Variants in TRIM14 observed in about 807,000 individuals in gnomAD.
The protein encoded by TRIM14 is tripartite motif containing 14.
TRIM14 carries 28 observed loss-of-function variants against 44.5 expected under a neutral mutation model. The observed-to-expected ratio is 0.63, with a 90% CI of 0.47 to 0.86. The LOEUF is 0.86. Ranked by LOEUF, TRIM14 falls within the 40% of genes least tolerant of loss-of-function variation. The pLI is 0.00. For missense variants in TRIM14, 607 were observed against 611.1 expected (o/e 0.99, Z 0.07); for synonymous variants, 299 against 269.2 (o/e 1.11, Z -1.08).
chr9:98,069,909 A>G (rs1829262127), intron 6 of TRIM14, among the ~76,000 whole-genome samples: 1 of 152,164 alleles, frequency 6.6e-6, no homozygotes, highest in South Asian at 2.1e-4. Context: ...ATACTTGTAG[A>G]AATGGTGAAA....
chr9:98,070,412 C>T (rs1829288825), intron 6 of TRIM14, among the ~76,000 whole-genome samples: 1 of 151,796 alleles, frequency 6.6e-6, no homozygotes, highest in African/African-American at 2.4e-5. Context: ...GCCACCGTGC[C>T]CAGCTTTCAT....
chr9:98,049,349 A>G, the TRIM14 span, among the ~76,000 whole-genome samples: 2 of 150,966 alleles, frequency 1.3e-5, no homozygotes, highest in Non-Finnish European at 3.0e-5. Flanking sequence ...ATAAAAAAAA[A>G]AAAAAAAAAA....
intron 5 of TRIM14, among the ~76,000 whole-genome samples, chr9:98,089,889 C>G (rs1825935918): frequency 6.6e-6 from 1 of 152,220 alleles, no homozygotes; most frequent in African/African-American, 2.4e-5. Context: ...ACCTCTTCCC[C>G]TAAGCTAATC....
At chr9:98,092,553 T>TAG (rs1420819976) in intron 4 of TRIM14, 2 of 359,154 alleles carry the variant, frequency 5.6e-6, no homozygotes, top group East Asian at 1.8e-4. Context: ...CAGGGGCCTG[T>TAG]AGAGATCTGT....
At chr9:98,071,480 C>T (rs1829335542) in intron 6 of TRIM14, among the ~76,000 whole-genome samples, 1 of 152,202 alleles carries the variant, frequency 6.6e-6, no homozygotes, top group African/African-American at 2.4e-5. Context: ...CAGAACCCAT[C>T]TGGGAGGGAA....
the TRIM14 span, among the ~76,000 whole-genome samples, chr9:98,044,374 T>C: frequency 2.9e-5 from 4 of 137,866 alleles, no homozygotes; most frequent in Non-Finnish European, 4.6e-5. Context: ...TTCTCTTTTT[T>C]TTTTTTTTTT....
chr9:98,096,183 G>A (rs10117693), intron 3 of TRIM14, among the ~76,000 whole-genome samples: 3,948 of 152,224 alleles, frequency 0.026, 174 homozygotes, highest in African/African-American at 0.091. Context: ...GTTGGGCAGG[G>A]GCAGATCCCA....
At chr9:98,078,836 GAAAAAAAAA>G (rs11424970) in intron 6 of TRIM14, among the ~76,000 whole-genome samples, 1 of 123,028 alleles carries the variant, frequency 8.1e-6, no homozygotes, top group African/African-American at 3.1e-5. Flanking sequence ...CTCTCAGGGG[GAAAAAAAAA>G]AAAAAAAAAG....
intron 5 of TRIM14, 61 bp from the exon 6 acceptor site, chr9:98,088,066 C>G: frequency 7.2e-7 from 1 of 1,385,314 alleles, no homozygotes; most frequent in Non-Finnish European, 9.3e-7. Flanking sequence ...GCCCCGCCCC[C>G]GGGAACCCAC....
At chr9:98,114,482 C>T (rs1232681359) in intron 1 of TRIM14, among the ~76,000 whole-genome samples, 5 of 151,952 alleles carry the variant, frequency 3.3e-5, no homozygotes, top group African/African-American at 7.3e-5. Flanking sequence ...TACAGGTGCC[C>T]GCCACCACGC....
At chr9:98,080,452 C>T (rs561342195), downstream of TRIM14, among the ~76,000 whole-genome samples, 1 of 152,356 alleles carries the variant, frequency 6.6e-6, no homozygotes, top group Admixed American at 6.5e-5. Context: ...TTGCTTTCAG[C>T]AGCTCAGGCT....
At chr9:98,058,136 C>T in the TRIM14 span, among the ~76,000 whole-genome samples, 2 of 151,838 alleles carry the variant, frequency 1.3e-5, no homozygotes, top group South Asian at 2.1e-4. Flanking sequence ...AGGCTGGTCT[C>T]GAACTCCTGA....
chr9:98,119,217 A>T lies in TRIM14; in HGVS notation c.-29T>A, dbSNP rs769741311. ...TCTCCACCTCCTCCGGCTCCCCGGG[A>T]CACAGGGCGGGGCTCCCAAGGGAAA... On this transcript the variant is annotated 5_prime_UTR_variant, in exon 1 of 6. Coordinates refer to ENST00000341469, the MANE Select transcript of TRIM14 (RefSeq NM_014788.4). The T allele has an allele frequency of 2.6e-5, 41 of 1,560,012 alleles. No homozygotes were observed. Among genetic ancestry groups the T allele is most frequent in the Non-Finnish European group, 3.4e-5 (40 of 1,164,028 alleles).
At chr9:98,105,914 G>A (rs1473427901) in intron 2 of TRIM14, among the ~76,000 whole-genome samples, 1 of 152,194 alleles carries the variant, frequency 6.6e-6, no homozygotes, top group South Asian at 2.1e-4. Context: ...CATTCATCCA[G>A]GGTCACAGGT....
the TRIM14 span, among the ~76,000 whole-genome samples, chr9:98,042,068 C>T: frequency 1.7e-4 from 25 of 150,828 alleles, no homozygotes; most frequent in South Asian, 1.5e-3. Context: ...GCTGAGGCGG[C>T]GGATCACAAG....
chr9:98,045,892 C>T, the TRIM14 span, among the ~76,000 whole-genome samples: 1 of 152,052 alleles, frequency 6.6e-6, no homozygotes, highest in African/African-American at 2.4e-5. Flanking sequence ...TTGAGCTCTC[C>T]GAGTTTCTTT....
At chr9:98,059,845 C>A in the TRIM14 span, among the ~76,000 whole-genome samples, 3 of 151,858 alleles carry the variant, frequency 2.0e-5, no homozygotes, top group Non-Finnish European at 4.4e-5. Context: ...TAACATGTAA[C>A]CTGTTCAAAG....
intron 6 of TRIM14, chr9:98,078,486 A>G: frequency 8.5e-7 from 1 of 1,174,970 alleles, no homozygotes. Context: ...TTACCAAATC[A>G]AATTCGAGCT....
the TRIM14 span, among the ~76,000 whole-genome samples, chr9:98,045,331 C>T: frequency 6.6e-6 from 1 of 152,258 alleles, no homozygotes; most frequent in African/African-American, 2.4e-5. Context: ...CAAGTTTAGC[C>T]TAAAGCTGCC....
Sources: gnomAD v4.1 joint callset for allele counts (sites outside exome capture counted in the v4.1 genomes callset) on GRCh38, gnomAD v4.1.1 for gene constraint, MANE v1.5 for transcripts, NCBI Gene and HGNC (gene_info 2026-07-23, HGNC 2026-07-21) for gene names.